Variants in MBP observed in about 807,000 individuals in gnomAD.
MBP encodes Golli-MBP.
In MBP, 16 loss-of-function variants were observed where a neutral mutation model predicts 35.8. The ratio of observed to expected loss-of-function variants is 0.45; its 90% CI spans 0.30 to 0.68. The LOEUF (loss-of-function observed/expected upper bound fraction) is 0.68, where lower values mean the gene tolerates loss of function less well. Ranked by LOEUF, MBP falls within the 30% of genes least tolerant of loss-of-function variation. The probability of loss-of-function intolerance (pLI) is 0.08; values close to 1 mark genes in which losing one functional copy is unlikely to be tolerated. For missense variants in MBP, 380 were observed against 404.7 expected (o/e 0.94, Z 0.52); for synonymous variants, 143 against 159.6 (o/e 0.90, Z 0.78).
chr18:77,118,382 A>G (rs1976763749), intron 1 of MBP, among the ~76,000 whole-genome samples: 1 of 151,960 alleles, frequency 6.6e-6, no homozygotes, highest in Non-Finnish European at 1.5e-5. Flanking sequence ...TGCACCCAGC[A>G]GTTGGCACAG....
intron 3 of MBP, among the ~76,000 whole-genome samples, chr18:77,036,748 G>A (rs1347524596): frequency 2.5e-4 from 36 of 144,390 alleles, no homozygotes; most frequent in African/African-American, 7.3e-4. Context: ...GTCACATTTT[G>A]GAGACTGAGC....
chr18:77,009,051 C>T lies in MBP; in HGVS notation c.576+7781G>A, dbSNP rs1346857489. Among the ~76,000 whole-genome samples, 7 of 152,236 alleles carry T rather than the reference C, an allele frequency of 4.6e-5. No individual in the cohort carries two copies. In the East Asian group the frequency reaches 9.6e-4, roughly 21 times the overall value. On this transcript the variant is annotated intron_variant, in intron 4 of 8. Transcript: ENST00000355994. ...TTCCAATCTTTTGCACATTCCCATG[C>T]TTAAAAAGCCAGGTGCCACGGTGCA...
At chr18:77,055,595 C>T (rs537773292) in intron 3 of MBP, among the ~76,000 whole-genome samples, 1 of 151,682 alleles carries the variant, frequency 6.6e-6, no homozygotes, top group East Asian at 1.9e-4. Context: ...TTCTCTCTCT[C>T]TCTCTCTTTC....
At chr18:77,068,023 GTGTGTGTGTGTGTGTT>G (rs1258952978) in intron 2 of MBP, among the ~76,000 whole-genome samples, 3 of 151,774 alleles carry the variant, frequency 2.0e-5, no homozygotes, top group Non-Finnish European at 4.4e-5. Context: ...TCCCGTGTGT[GTGTGTGTGTGTGTGTT>G]TGTGTGTGTG....
At position 77,066,303 on chromosome 18, in the gene MBP, A is replaced by C; in HGVS notation, c.134T>G (p.Val45Gly). 1 of 1,613,526 alleles carries C rather than the reference A, an allele frequency of 6.2e-7. No individual in the cohort carries two copies. The highest frequency in any genetic ancestry group is 8.5e-7 in the Non-Finnish European group (1 of 1,179,652). Residue 45 changes from valine to glycine, a missense_variant, in exon 3 of 9, where the codon GTG becomes GGG. Val to Gly is a moderately radical substitution (Grantham distance 109). Coordinates refer to ENST00000355994, the MANE Select transcript of MBP (RefSeq NM_001025101.2). ...CCGATATCTGCGTCACCTACCGAAC[A>C]CTTCGTTGTCCTCTGAGGTTGTCCG... is the stretch of plus-strand genomic sequence containing the variant. ...LSRTTSEDNE[V>G]FGEADANQNN...
chr18:77,002,476 G>A (rs1414403994), intron 4 of MBP, among the ~76,000 whole-genome samples: 1 of 152,216 alleles, frequency 6.6e-6, no homozygotes, highest in Non-Finnish European at 1.5e-5. Flanking sequence ...CAAGTAAGTG[G>A]TCCAAGTTCT....
intron 4 of MBP, among the ~76,000 whole-genome samples, chr18:77,007,057 C>G (rs929600186): frequency 6.6e-6 from 1 of 152,234 alleles, no homozygotes; most frequent in African/African-American, 2.4e-5. Context: ...GTTCCTGGCA[C>G]TGCTCAGCCT....
At chr18:77,123,182 AATTTTTTGCTTT>A (rs1976942223) in intron 1 of MBP, among the ~76,000 whole-genome samples, 1 of 152,226 alleles carries the variant, frequency 6.6e-6, no homozygotes, top group African/African-American at 2.4e-5. Flanking sequence ...ATAGTTCTAT[AATTTTTTGCTTT>A]GATAGCAAGT....
At chr18:77,012,927 T>C in intron 4 of MBP, 7 of 985,444 alleles carry the variant, frequency 7.1e-6, no homozygotes, top group Non-Finnish European at 8.4e-6. Flanking sequence ...GATTTACAAA[T>C]GTATCGCTTA....
At chr18:76,993,653 G>A (rs1017858239) in intron 4 of MBP, among the ~76,000 whole-genome samples, 16 of 151,486 alleles carry the variant, frequency 1.1e-4, no homozygotes, top group African/African-American at 3.2e-4. Context: ...TTGTGCCCTC[G>A]TTGGTTAACG....
intron 2 of MBP, among the ~76,000 whole-genome samples, chr18:77,070,825 T>C (rs1232571139): frequency 6.6e-6 from 1 of 152,168 alleles, no homozygotes; most frequent in African/African-American, 2.4e-5. Flanking sequence ...AAGGATGGCA[T>C]GGAGTCAAAC....
rs562225476 is a variant in MBP at position 77,051,291 on chromosome 18, C to CA, written c.139+15006dup. Among the ~76,000 whole-genome samples the CA allele has an allele frequency of 1.4e-4, 22 of 152,336 alleles. 1 individual carries two copies. In the East Asian group the frequency reaches 3.9e-3, roughly 27 times the overall value. On this transcript the variant is annotated intron_variant, in intron 3 of 8. Coordinates refer to ENST00000355994, the MANE Select transcript of MBP (RefSeq NM_001025101.2). ...CCCAAATTACGAGGTTCTTACCTTT[C>CA]ACTTGCGGGCGAATGACGCGAGCAT...
chr18:77,108,644 C>T (rs899209032), intron 1 of MBP: 10 of 152,194 alleles, frequency 6.6e-5, no homozygotes, highest in African/African-American at 2.4e-4. Context: ...AGTTAGTCAC[C>T]CAGATTTACT....
Position 77,078,077 on chromosome 18 carries a change from G to A in MBP, c.52-11692C>T, listed in dbSNP as rs557542730. 1.2e-4 allele frequency among the ~76,000 whole-genome samples: 18 copies of A among 152,330 alleles called. No individual in the cohort carries two copies. The East Asian group carries it at 2.9e-3, about 25-fold the overall frequency. On this transcript the variant is annotated intron_variant, in intron 2 of 8. Coordinates refer to ENST00000355994, the MANE Select transcript of MBP (RefSeq NM_001025101.2). ...TTATCTCCCAGCCCCAGCAGCTGAA[G>A]GACAGTCACCTGCTCTAACAGTGGA...
intron 3 of MBP, among the ~76,000 whole-genome samples, chr18:77,054,735 C>A (rs1043749544): frequency 2.0e-5 from 3 of 152,142 alleles, no homozygotes; most frequent in African/African-American, 7.2e-5. Flanking sequence ...TCCCTGTTAG[C>A]GGCGGGTGAC....
In MBP at chr18:76,988,978, G is replaced by A. The variant is rs1033076334; in HGVS notation, c.682-66C>T. The A allele has an allele frequency of 3.4e-6, 5 of 1,478,712 alleles. No homozygotes were observed. The highest frequency in any genetic ancestry group is 1.4e-5 in the African/African-American group (1 of 72,172). The allele number at this position is 1,478,712 out of a possible 1,614,324, so 91.6% of individuals were successfully genotyped here. ...TGTGCCGCCGTCCATTTCCTAACGGGCTCCTGCCTGCTGAGGGTGGCTAGC... is the reference window on the plus strand; with the variant it reads ...TGTGCCGCCGTCCATTTCCTAACGGACTCCTGCCTGCTGAGGGTGGCTAGC... On this transcript the variant is annotated intron_variant, in intron 5 of 8. Coordinates refer to ENST00000355994, the MANE Select transcript of MBP (RefSeq NM_001025101.2). This position sits in a 1 kb window ranked among gnomAD's most constrained non-coding sequence, Gnocchi z 5.2.
chr18:77,118,299 C>A (rs890153497), intron 1 of MBP, among the ~76,000 whole-genome samples: 2 of 151,832 alleles, frequency 1.3e-5, no homozygotes, highest in Non-Finnish European at 2.9e-5. Context: ...GGTGGATTGG[C>A]CTCAGCCCGA....
chr18:76,986,290 T>G (rs940215988), intron 7 of MBP: 1 of 985,512 alleles, frequency 1.0e-6, no homozygotes, highest in Non-Finnish European at 1.2e-6. Flanking sequence ...CAAACCAGAC[T>G]GTCCCTCCTC....
At chr18:77,077,449 C>T (rs1312755371) in intron 2 of MBP, among the ~76,000 whole-genome samples, 1 of 152,104 alleles carries the variant, frequency 6.6e-6, no homozygotes, top group African/African-American at 2.4e-5. Context: ...AGGCTGGCAC[C>T]TACACTAGGT....
Sources: gnomAD v4.1 joint callset for allele counts (sites outside exome capture counted in the v4.1 genomes callset) on GRCh38, gnomAD v4.1.1 for gene constraint, Gnocchi (gnomAD v3.1) non-coding constraint, MANE v1.5 for transcripts, NCBI Gene and HGNC (gene_info 2026-07-23, HGNC 2026-07-21) for gene names.